Variants in ERVH48-1 observed in about 807,000 individuals in gnomAD.
ERVH48-1 encodes endogenous retrovirus group 48 member 1, envelope.
In ERVH48-1, 4 loss-of-function variants were observed where a neutral mutation model predicts 2.4. That is an observed-to-expected ratio of 1.68 (90% confidence interval 0.83 to 3.84). The LOEUF is 3.84. ERVH48-1 is among the 30% of genes most tolerant of loss of function. The pLI is 0.01. For missense variants in ERVH48-1, 97 were observed against 43.4 expected (o/e 2.23, Z -3.47); for synonymous variants, 32 against 15.5 (o/e 2.06, Z -2.49).
intron 1 of ERVH48-1, among the ~76,000 whole-genome samples, chr21:42,921,324 G>C (rs1424602173): frequency 6.6e-6 from 1 of 152,094 alleles, no homozygotes. Flanking sequence ...TAGCAGCTTG[G>C]TATAACAGTT....
chr21:42,925,135 G>A (rs561438466), intron 1 of ERVH48-1, among the ~76,000 whole-genome samples: 6 of 152,142 alleles, frequency 3.9e-5, no homozygotes, highest in Non-Finnish European at 5.9e-5. Flanking sequence ...TAGTAGAGAC[G>A]GAGTTTCACC....
chr21:42,923,833 T>C (rs1028350315), intron 1 of ERVH48-1, among the ~76,000 whole-genome samples: 45 of 152,140 alleles, frequency 3.0e-4, no homozygotes, highest in African/African-American at 1.1e-3. Flanking sequence ...GAGGATAACG[T>C]AGAGGTCATG....
chr21:42,918,917 CAGTATT>C lies in ERVH48-1; in HGVS notation c.84_89del (p.Ile29_Leu30del), dbSNP rs754703250. 2 of 533,910 alleles carry C rather than the reference CAGTATT, an allele frequency of 3.7e-6. No individual in the cohort carries two copies. Among genetic ancestry groups the C allele is most frequent in the Non-Finnish European group, 6.7e-6 (2 of 297,878 alleles). 33.1% of individuals were successfully genotyped at this position (533,910 alleles called of 1,614,324 possible). ...CTGTGGACAGCAGGACAGCTACTGA[CAGTATT>C]AGGATCGTGGTGAGGGATATTCCCA... On this transcript the variant is annotated inframe_deletion, in exon 2 of 2. Transcript: ENST00000447535.
intron 1 of ERVH48-1, among the ~76,000 whole-genome samples, chr21:42,922,723 G>C (rs1221547823): frequency 4.1e-5 from 5 of 121,614 alleles, no homozygotes; most frequent in Non-Finnish European, 8.1e-5. Flanking sequence ...CTGGGAGACA[G>C]AGCCAGACTC....
Position 42,918,294 on chromosome 21 carries a change from A to T in ERVH48-1, c.*230T>A, listed in dbSNP as rs1046189620. 6 of 345,836 alleles carry T rather than the reference A, an allele frequency of 1.7e-5. No homozygotes were observed. The highest frequency in any genetic ancestry group is 1.3e-4 in the African/African-American group (6 of 46,704). 21.4% of individuals were successfully genotyped at this position (345,836 alleles called of 1,614,324 possible). A position where few individuals can be genotyped will look rare whatever the true frequency, so the allele number is the denominator to read the frequency against. On this transcript the variant is annotated 3_prime_UTR_variant, in exon 2 of 2. Coordinates refer to ENST00000447535, the MANE Select transcript of ERVH48-1 (RefSeq NM_001308491.2). ...TTGCGGGATATGCACACCGTCCCTC[A>T]TACTGGGTTGGTAAGTGTCCAGGAC...
chr21:42,922,562 A>G (rs1045305775), intron 1 of ERVH48-1, among the ~76,000 whole-genome samples: 2 of 151,866 alleles, frequency 1.3e-5, no homozygotes, highest in Non-Finnish European at 2.9e-5. Context: ...AACACGGTGA[A>G]ACCCCGTCTC....
rs148319804 is a variant in ERVH48-1 at position 42,918,622 on chromosome 21, T to G, written c.385A>C (p.Lys129Gln). Residue 129 changes from lysine to glutamine, a missense_variant, in exon 2 of 2, where the codon AAG becomes CAG. Coordinates refer to ENST00000447535, the MANE Select transcript of ERVH48-1 (RefSeq NM_001308491.2). The stretch of plus-strand genomic sequence containing the variant: ...GCTTTGGCTATAATCTGTTCTCTCT[T>G]TATGTCCTCAAGCACCTGAGTGTTT... ...GVNTQVLEDI[K>Q]REQIIAKAKA... 1.4e-3 allele frequency: 658 copies of G among 456,650 alleles called. 4 individuals carry two copies. Among genetic ancestry groups the G allele is most frequent in the African/African-American group, 0.012 (611 of 50,192 alleles). 28.3% of individuals were successfully genotyped at this position (456,650 alleles called of 1,614,324 possible).
chr21:42,918,416 A>G lies in ERVH48-1; in HGVS notation c.*108T>C. On this transcript the variant is annotated 3_prime_UTR_variant, in exon 2 of 2. Coordinates refer to ENST00000447535, the MANE Select transcript of ERVH48-1 (RefSeq NM_001308491.2). ...CCCGTCCCACAGCCACTGTTCACTC[A>G]TAAAGCTCCCCCGCATACCCAACAA... is the stretch of plus-strand genomic sequence containing the variant. 2.7e-6 allele frequency: 1 copy of G among 374,230 alleles called. No homozygotes were observed. The allele number at this position is 374,230 out of a possible 1,614,324, so 23.2% of individuals were successfully genotyped here.
In ERVH48-1 at chr21:42,917,611, G is replaced by A. The variant is rs2058792747; in HGVS notation, c.*913C>T. 6.6e-6 allele frequency: 1 copy of A among 152,200 alleles called. No homozygotes were observed. The highest frequency in any genetic ancestry group is 6.5e-5 in the Admixed American group (1 of 15,274). The allele number at this position is 152,200 out of a possible 1,614,324, so 9.4% of individuals were successfully genotyped here. A position where few individuals can be genotyped will look rare whatever the true frequency, so the allele number is the denominator to read the frequency against. On this transcript the variant is annotated 3_prime_UTR_variant, in exon 2 of 2. Coordinates refer to ENST00000447535, the MANE Select transcript of ERVH48-1 (RefSeq NM_001308491.2). ...AAGTAGTCTAGGGCCAGCCTGTTTTGATAAATTGCCGCGCGCATTTGGTTT... is the reference window on the plus strand; with the variant it reads ...AAGTAGTCTAGGGCCAGCCTGTTTTAATAAATTGCCGCGCGCATTTGGTTT...
intron 1 of ERVH48-1, among the ~76,000 whole-genome samples, chr21:42,924,948 A>ATTTT (rs71332380): frequency 7.7e-5 from 11 of 143,026 alleles, no homozygotes; most frequent in African/African-American, 2.6e-4. Context: ...ACACCTTAGC[A>ATTTT]TTTTTTTTTT....
At chr21:42,922,118 C>T (rs999331580) in intron 1 of ERVH48-1, among the ~76,000 whole-genome samples, 9 of 151,964 alleles carry the variant, frequency 5.9e-5, no homozygotes, top group Admixed American at 6.6e-5. Flanking sequence ...AAGCTATAGG[C>T]CTACAAGAGC....
At chr21:42,920,466 CAG>C (rs1347062975) in intron 1 of ERVH48-1, among the ~76,000 whole-genome samples, 2 of 152,252 alleles carry the variant, frequency 1.3e-5, no homozygotes, top group Non-Finnish European at 1.5e-5. Flanking sequence ...GCATTCATGA[CAG>C]GGGTGTTGTT....
intron 1 of ERVH48-1, among the ~76,000 whole-genome samples, chr21:42,921,966 C>A (rs891353734): frequency 6.6e-6 from 1 of 152,174 alleles, no homozygotes; most frequent in Non-Finnish European, 1.5e-5. Flanking sequence ...ACTGGACATA[C>A]TGGGAGTACA....
intron 1 of ERVH48-1, among the ~76,000 whole-genome samples, chr21:42,919,749 G>A (rs2058799972): frequency 6.6e-6 from 1 of 152,156 alleles, no homozygotes; most frequent in Non-Finnish European, 1.5e-5. Context: ...TCTGAAACAG[G>A]GAATTATATG....
intron 1 of ERVH48-1, among the ~76,000 whole-genome samples, chr21:42,923,256 TGCGGCCCC>T (rs951602064): frequency 7.2e-5 from 11 of 152,230 alleles, no homozygotes; most frequent in Non-Finnish European, 1.3e-4. Flanking sequence ...CGTGTGGAGC[TGCGGCCCC>T]GTGGGCCTGC....
At chr21:42,922,119 C>T (rs2058807688) in intron 1 of ERVH48-1, among the ~76,000 whole-genome samples, 1 of 151,998 alleles carries the variant, frequency 6.6e-6, no homozygotes, top group South Asian at 2.1e-4. Flanking sequence ...AGCTATAGGC[C>T]TACAAGAGCT....
At chr21:42,920,841 G>A (rs1218710731) in intron 1 of ERVH48-1, among the ~76,000 whole-genome samples, 5 of 152,218 alleles carry the variant, frequency 3.3e-5, no homozygotes, top group Admixed American at 6.5e-5. Flanking sequence ...CTTCAGGTAA[G>A]AGTGTGGCCG....
At chr21:42,922,196 G>C (rs929731852) in intron 1 of ERVH48-1, among the ~76,000 whole-genome samples, 6 of 152,080 alleles carry the variant, frequency 3.9e-5, no homozygotes, top group African/African-American at 1.2e-4. Context: ...AATGCAGAAG[G>C]GGGTGTGGTG....
chr21:42,921,348 G>A lies in ERVH48-1; in HGVS notation c.-285-2057C>T, dbSNP rs138221885. 9.6e-3 allele frequency among the ~76,000 whole-genome samples: 1,464 copies of A among 152,144 alleles called. 34 individuals carry two copies. Among genetic ancestry groups the A allele is most frequent in the African/African-American group, 0.034 (1,410 of 41,486 alleles). On this transcript the variant is annotated intron_variant, in intron 1 of 1. Coordinates refer to ENST00000447535, the MANE Select transcript of ERVH48-1 (RefSeq NM_001308491.2). Reference sequence around the variant, plus strand: ...GGTATAACAGTTTGGCTAGTAGAGCGAAGGAGGGAACCCAGAGCCTGAAAT... The same window carrying A: ...GGTATAACAGTTTGGCTAGTAGAGCAAAGGAGGGAACCCAGAGCCTGAAAT...
Sources: gnomAD v4.1 joint callset for allele counts (sites outside exome capture counted in the v4.1 genomes callset) on GRCh38, gnomAD v4.1.1 for gene constraint, MANE v1.5 for transcripts, NCBI Gene and HGNC (gene_info 2026-07-23, HGNC 2026-07-21) for gene names.